The following CAB39 variants were observed in gnomAD, a reference collection of about 807,000 sequenced individuals.
CAB39 encodes the protein calcium-binding protein 39.
In CAB39, 8 loss-of-function variants were observed where a neutral mutation model predicts 40.0. The observed-to-expected ratio is 0.20, with a 90% confidence interval of 0.12 to 0.36. CAB39 has a LOEUF of 0.36. CAB39 is among the 10% of genes least tolerant of loss of function. The pLI is 1.00. For missense variants in CAB39, 270 were observed against 401.1 expected (o/e 0.67, Z 2.79); for synonymous variants, 156 against 141.6 (o/e 1.10, Z -0.72).
At chr2:230,788,672 G>A (rs1318797881) in intron 2 of CAB39, among the ~76,000 whole-genome samples, 1 of 152,102 alleles carries the variant, frequency 6.6e-6, no homozygotes, top group Non-Finnish European at 1.5e-5. Context: ...TTTTGCTGTG[G>A]TGTAAAATTT....
At chr2:230,808,552 CTCT>C (rs1449036732) in intron 5 of CAB39, among the ~76,000 whole-genome samples, 1 of 152,216 alleles carries the variant, frequency 6.6e-6, no homozygotes, top group Non-Finnish European at 1.5e-5. Flanking sequence ...AATGGAAATT[CTCT>C]TACCACTTTC....
intron 4 of CAB39, among the ~76,000 whole-genome samples, chr2:230,796,541 C>T (rs1369087271): frequency 6.6e-6 from 1 of 152,068 alleles, no homozygotes; most frequent in Middle Eastern, 3.2e-3. Context: ...TTCTAAAGCT[C>T]AGCAAAGATG....
At chr2:230,728,135 G>A (rs1009707505) in intron 1 of CAB39, among the ~76,000 whole-genome samples, 2 of 152,056 alleles carry the variant, frequency 1.3e-5, no homozygotes, top group South Asian at 2.1e-4. Context: ...GCTACTCGGC[G>A]GCTGAGACAG....
intron 1 of CAB39, among the ~76,000 whole-genome samples, chr2:230,718,009 C>T (rs985140371): frequency 1.3e-5 from 2 of 152,098 alleles, no homozygotes; most frequent in African/African-American, 4.8e-5. Context: ...TGTCTTGGTA[C>T]TCAGAATATA....
intron 1 of CAB39, among the ~76,000 whole-genome samples, chr2:230,754,932 T>G (rs1166726858): frequency 6.6e-6 from 1 of 152,230 alleles, no homozygotes; most frequent in African/African-American, 2.4e-5. Context: ...GTGAGAACAT[T>G]ATGATGTTTG....
chr2:230,815,889 C>T (rs1219769414), intron 7 of CAB39, among the ~76,000 whole-genome samples: 5 of 151,682 alleles, frequency 3.3e-5, no homozygotes, highest in Admixed American at 6.6e-5. Context: ...CTCTCTTTTT[C>T]GTAGCCACAT....
At chr2:230,773,458 C>T (rs1229091019) in intron 2 of CAB39, among the ~76,000 whole-genome samples, 3 of 151,740 alleles carry the variant, frequency 2.0e-5, no homozygotes, top group Non-Finnish European at 4.4e-5. Flanking sequence ...GGCTTAGAAA[C>T]CATAAAGCAC....
chr2:230,794,628 G>C lies in CAB39; in HGVS notation c.398+1297G>C, dbSNP rs140705877. On this transcript the variant is annotated intron_variant, in intron 4 of 8. Transcript: ENST00000258418. ...AGAGCTCTCACCTGTGCTGGCCAGA[G>C]CAGACACTTCCAGCCAGGAAGTAGC... Among the ~76,000 whole-genome samples, 859 of 152,324 alleles carry C rather than the reference G, an allele frequency of 5.6e-3. 24 individuals carry two copies. Among genetic ancestry groups the C allele is most frequent in the Admixed American group, 0.039 (591 of 15,304 alleles).
chr2:230,720,064 G>T (rs1694419331), intron 1 of CAB39, among the ~76,000 whole-genome samples: 1 of 152,190 alleles, frequency 6.6e-6, no homozygotes, highest in South Asian at 2.1e-4. Context: ...TTTTATGGTT[G>T]TAAAGTACAA....
intron 5 of CAB39, among the ~76,000 whole-genome samples, chr2:230,803,076 C>T (rs935559992): frequency 2.6e-5 from 4 of 152,322 alleles, no homozygotes; most frequent in African/African-American, 9.6e-5. Flanking sequence ...TGGGCTTCAT[C>T]CCTTCGATGC....
At chr2:230,814,521 G>T (rs1696365281) in intron 7 of CAB39, among the ~76,000 whole-genome samples, 1 of 152,122 alleles carries the variant, frequency 6.6e-6, no homozygotes, top group Non-Finnish European at 1.5e-5. Flanking sequence ...AGACAGGCTT[G>T]GCTGCTTTGT....
At chr2:230,779,537 A>G (rs1695651683) in intron 2 of CAB39, 1 of 152,226 alleles carries the variant, frequency 6.6e-6, no homozygotes. Context: ...GGCTACTTTT[A>G]ATAAAGCAGT....
intron 1 of CAB39, among the ~76,000 whole-genome samples, chr2:230,755,723 C>T (rs577034491): frequency 2.0e-5 from 3 of 152,114 alleles, no homozygotes; most frequent in South Asian, 4.2e-4. Flanking sequence ...ATTCTAAGGG[C>T]AGTGAAAAAT....
chr2:230,780,061 A>G (rs970963369), intron 2 of CAB39, among the ~76,000 whole-genome samples: 4 of 152,326 alleles, frequency 2.6e-5, no homozygotes, highest in South Asian at 2.1e-4. Flanking sequence ...CGGATGGTCC[A>G]GTAAGACCCA....
At chr2:230,802,906 T>A (rs1262252955) in intron 5 of CAB39, among the ~76,000 whole-genome samples, 12 of 152,174 alleles carry the variant, frequency 7.9e-5, no homozygotes, top group Non-Finnish European at 1.5e-4. Context: ...TAACTCATTT[T>A]ATGAGGCCAG....
In CAB39 at chr2:230,798,720, T is replaced by C. The variant is rs1696033799; in HGVS notation, c.399-9T>C. 3.8e-6 allele frequency: 6 copies of C among 1,575,128 alleles called. No homozygotes were observed. Among genetic ancestry groups the C allele is most frequent in the Non-Finnish European group, 5.2e-6 (6 of 1,156,958 alleles). On this transcript the variant is annotated splice_polypyrimidine_tract_variant and intron_variant, in intron 4 of 8. Coordinates refer to ENST00000258418, the MANE Select transcript of CAB39 (RefSeq NM_016289.4). ...TTTGGTTTGTTTGTTTGGTTTTTTG[T>C]TTTTGCAGGTATGAATCTCCAGAAA...
At chr2:230,713,829 C>G (rs539840274) in intron 1 of CAB39, 1 of 152,450 alleles carries the variant, frequency 6.6e-6, no homozygotes, top group East Asian at 1.9e-4. Flanking sequence ...TCCCCTCCCC[C>G]GAGGAGCTTA....
intron 1 of CAB39, among the ~76,000 whole-genome samples, chr2:230,735,170 A>AT (rs1419150660): frequency 6.6e-6 from 1 of 151,690 alleles, no homozygotes. Context: ...TATTTTATTT[A>AT]TTTTTTTATT....
rs113351235 is a variant in CAB39, at chr2:230,755,231, G to A, written c.-43-4728G>A. Among the ~76,000 whole-genome samples the A allele has an allele frequency of 4.6e-3, 702 of 152,218 alleles. 5 individuals are homozygous for A. Among genetic ancestry groups the A allele is most frequent in the African/African-American group, 0.016 (656 of 41,540 alleles). The stretch of plus-strand genomic sequence containing the variant: ...AATCACCACATTGTTTTCCATAGTG[G>A]CTGTACTAGTTTACATTCCCACCAG... On this transcript the variant is annotated intron_variant, in intron 1 of 8. Coordinates refer to ENST00000258418, the MANE Select transcript of CAB39 (RefSeq NM_016289.4).
Sources: gnomAD v4.1 joint callset for allele counts (sites outside exome capture counted in the v4.1 genomes callset) on GRCh38, gnomAD v4.1.1 for gene constraint, MANE v1.5 for transcripts, NCBI Gene and HGNC (gene_info 2026-07-23, HGNC 2026-07-21) for gene names.